The following DNER variants were observed in gnomAD, a reference collection of about 807,000 sequenced individuals.
The protein encoded by DNER is delta/notch like EGF repeat containing, also known as delta and Notch-like epidermal growth factor-related receptor.
Under a neutral mutation model 78.2 loss-of-function variants are expected in DNER, and 33 were observed. That is an observed-to-expected ratio of 0.42 (90% CI 0.32 to 0.56). The LOEUF is 0.56. Ranked by LOEUF, DNER falls within the 20% of genes least tolerant of loss-of-function variation. The probability of loss-of-function intolerance (pLI) is 0.11; values close to 1 mark genes in which losing one functional copy is unlikely to be tolerated. For synonymous variants in DNER, 417 were observed against 384.8 expected (o/e 1.08, Z -0.98); for missense variants, 918 against 975.3 (o/e 0.94, Z 0.78).
intron 11 of DNER, among the ~76,000 whole-genome samples, chr2:229,380,967 G>A (rs1285310569): frequency 6.6e-6 from 1 of 151,948 alleles, no homozygotes; most frequent in South Asian, 2.1e-4. Context: ...AAAGAAAACT[G>A]GAGGGGAGGC....
intron 9 of DNER, among the ~76,000 whole-genome samples, chr2:229,413,081 C>A (rs547111712): frequency 1.3e-5 from 2 of 151,832 alleles, no homozygotes; most frequent in Non-Finnish European, 2.9e-5. Flanking sequence ...TCTTTAGCAG[C>A]CCAGTTTTTC....
intron 5 of DNER, among the ~76,000 whole-genome samples, chr2:229,516,800 A>AAAAAAAG (rs1553536934): frequency 2.3e-5 from 3 of 131,238 alleles, no homozygotes; most frequent in East Asian, 4.1e-4. Flanking sequence ...AAAAAAAAAA[A>AAAAAAAG]AAAAGAAAAG....
chr2:229,365,602 A>G (rs1053905936), intron 12 of DNER, among the ~76,000 whole-genome samples: 4 of 152,074 alleles, frequency 2.6e-5, no homozygotes, highest in Non-Finnish European at 5.9e-5. Context: ...ATGCCTGGCT[A>G]ATTTTTGTAT....
intron 4 of DNER, among the ~76,000 whole-genome samples, chr2:229,571,001 A>T (rs995088045): frequency 5.9e-5 from 9 of 152,082 alleles, no homozygotes; most frequent in African/African-American, 1.9e-4. Context: ...CAGAGATGAG[A>T]CATAAAATGG....
chr2:229,502,453 C>T (rs533120886), intron 6 of DNER, among the ~76,000 whole-genome samples: 6 of 152,212 alleles, frequency 3.9e-5, no homozygotes, highest in African/African-American at 9.6e-5. Context: ...GAGACAGAGA[C>T]TGCCGATGGC....
chr2:229,663,931 G>A (rs1419139668), intron 1 of DNER, among the ~76,000 whole-genome samples: 1 of 151,994 alleles, frequency 6.6e-6, no homozygotes, highest in African/African-American at 2.4e-5. Context: ...CGGCTCAAGC[G>A]ATTCTCCCAC....
chr2:229,599,687 G>C (rs1382550906), intron 1 of DNER, among the ~76,000 whole-genome samples: 2 of 152,170 alleles, frequency 1.3e-5, no homozygotes, highest in Non-Finnish European at 2.9e-5. Flanking sequence ...ACACTATCAT[G>C]AAGGAAGAAA....
intron 10 of DNER, 90 bp from the exon 11 acceptor site, chr2:229,388,486 G>C: frequency 1.4e-6 from 2 of 1,427,618 alleles, no homozygotes; most frequent in Non-Finnish European, 9.2e-7. Context: ...CAAGGCTAGG[G>C]GTCATAACCT....
At chr2:229,706,126 A>G (rs1009997426) in intron 1 of DNER, among the ~76,000 whole-genome samples, 1 of 152,302 alleles carries the variant, frequency 6.6e-6, no homozygotes, top group East Asian at 1.9e-4. Flanking sequence ...CAAGAGGAAA[A>G]GGGAAAAGGG....
intron 4 of DNER, among the ~76,000 whole-genome samples, chr2:229,573,156 AAGG>A (rs1421178276): frequency 2.6e-5 from 4 of 152,200 alleles, no homozygotes; most frequent in Non-Finnish European, 5.9e-5. Flanking sequence ...GTATTTATTT[AAGG>A]AGATTATCCA....
chr2:229,711,333 C>CATGAGGAATCCT lies in DNER; in HGVS notation c.276+2814_276+2815insAGGATTCCTCAT, dbSNP rs199561399. 9.1e-3 allele frequency among the ~76,000 whole-genome samples: 1,391 copies of CATGAGGAATCCT among 152,266 alleles called. 22 individuals carry two copies. Among genetic ancestry groups the CATGAGGAATCCT allele is most frequent in the African/African-American group, 0.032 (1,321 of 41,532 alleles). On this transcript the variant is annotated intron_variant, in intron 1 of 12. Coordinates refer to ENST00000341772, the MANE Select transcript of DNER (RefSeq NM_139072.4). ...CATCAAGGAATGGAATCACTATCTT[C>CATGAGGAATCCT]ATGAGGTAGGTCCCATAGATCCCAT...
At chr2:229,535,080 C>T (rs898184890) in intron 5 of DNER, among the ~76,000 whole-genome samples, 8 of 152,290 alleles carry the variant, frequency 5.3e-5, no homozygotes, top group African/African-American at 1.9e-4. Context: ...AGGTGATCGG[C>T]CTGCGTCGGC....
At chr2:229,381,971 G>A (rs1030240820) in intron 11 of DNER, among the ~76,000 whole-genome samples, 1 of 152,190 alleles carries the variant, frequency 6.6e-6, no homozygotes, top group Admixed American at 6.5e-5. Flanking sequence ...TCCTGACAGA[G>A]AGACACCTCC....
At chr2:229,385,533 T>C (rs1692843990) in intron 11 of DNER, among the ~76,000 whole-genome samples, 1 of 152,312 alleles carries the variant, frequency 6.6e-6, no homozygotes, top group Admixed American at 6.5e-5. Context: ...AGTAAAATTG[T>C]CTCTGTTTGC....
In DNER at chr2:229,474,277, G is replaced by A. The variant is rs193222532; in HGVS notation, c.1261+2863C>T. ...CTGCCGACACACAAAAGCAAGCACT[G>A]TAAGGATAGGCCAGTGGGAGAGGCA... On this transcript the variant is annotated intron_variant, in intron 7 of 12. Transcript: ENST00000341772. Among the ~76,000 whole-genome samples, 553 of 152,322 alleles carry A rather than the reference G, an allele frequency of 3.6e-3. 1 individual carries two copies. The highest frequency in any genetic ancestry group is 0.014 in the Middle Eastern group (4 of 294).
At chr2:229,596,924 T>G (rs970613330) in intron 1 of DNER, among the ~76,000 whole-genome samples, 2 of 152,186 alleles carry the variant, frequency 1.3e-5, no homozygotes, top group African/African-American at 2.4e-5. Context: ...TGCACACACA[T>G]GCACACGCAC....
At chr2:229,553,022 C>T (rs1369034902) in intron 4 of DNER, among the ~76,000 whole-genome samples, 1 of 152,206 alleles carries the variant, frequency 6.6e-6, no homozygotes, top group African/African-American at 2.4e-5. Context: ...GGTTACATGG[C>T]TTCTCAGCTC....
At chr2:229,554,671 G>A (rs751367176) in intron 4 of DNER, among the ~76,000 whole-genome samples, 9 of 151,544 alleles carry the variant, frequency 5.9e-5, no homozygotes, top group Non-Finnish European at 7.4e-5. Context: ...CCTGGGTGAC[G>A]GAGTAAGGCT....
chr2:229,554,019 G>C (rs927664387), intron 4 of DNER, among the ~76,000 whole-genome samples: 6 of 152,138 alleles, frequency 3.9e-5, no homozygotes, highest in African/African-American at 1.2e-4. Flanking sequence ...TGTTAAGTAG[G>C]AATAATAACC....
Sources: gnomAD v4.1 joint callset for allele counts (sites outside exome capture counted in the v4.1 genomes callset) on GRCh38, gnomAD v4.1.1 for gene constraint, MANE v1.5 for transcripts, NCBI Gene and HGNC (gene_info 2026-07-23, HGNC 2026-07-21) for gene names.